Variants in SLC44A5 observed in about 807,000 individuals in gnomAD.
SLC44A5 encodes the protein solute carrier family 44 member 5.
Under a neutral mutation model 101.8 loss-of-function variants are expected in SLC44A5, and 57 were observed. That is an observed-to-expected ratio of 0.56 (90% CI 0.45 to 0.70). The LOEUF (loss-of-function observed/expected upper bound fraction) is 0.70. Among genes scored for constraint, SLC44A5 ranks in the 30% least tolerant of loss-of-function variants. SLC44A5 has a pLI of 0.00. For synonymous variants in SLC44A5, 281 were observed against 290.9 expected (o/e 0.97, Z 0.35); for missense variants, 737 against 853.1 (o/e 0.86, Z 1.70).
chr1:75,385,508 GA>G (rs1486021779), intron 3 of SLC44A5, among the ~76,000 whole-genome samples: 10 of 152,036 alleles, frequency 6.6e-5, no homozygotes, highest in African/African-American at 2.4e-4. Context: ...ACTAAACCAG[GA>G]AGAAGTTGAA....
At chr1:75,383,456 A>G (rs1661050040) in intron 3 of SLC44A5, among the ~76,000 whole-genome samples, 1 of 152,154 alleles carries the variant, frequency 6.6e-6, no homozygotes, top group Non-Finnish European at 1.5e-5. Flanking sequence ...ACCCACCCCT[A>G]CAATGGAAGA....
chr1:75,294,987 T>C (rs113992327), intron 5 of SLC44A5, among the ~76,000 whole-genome samples: 36 of 152,284 alleles, frequency 2.4e-4, no homozygotes, highest in African/African-American at 8.4e-4. Flanking sequence ...TGATGTATTT[T>C]ATTCTTGAAA....
At chr1:75,308,456 G>T (rs1181024512) in intron 4 of SLC44A5, among the ~76,000 whole-genome samples, 1 of 152,086 alleles carries the variant, frequency 6.6e-6, no homozygotes, top group Non-Finnish European at 1.5e-5. Flanking sequence ...TGTTTGAAAG[G>T]GGGCAAGATA....
intron 2 of SLC44A5, among the ~76,000 whole-genome samples, chr1:75,467,198 T>A (rs140164644): frequency 7.2e-5 from 11 of 151,990 alleles, no homozygotes; most frequent in African/African-American, 2.6e-4. Flanking sequence ...AAGAAATAGA[T>A]AAATATTCCA....
intron 1 of SLC44A5, chr1:75,582,476 C>A: frequency 1.7e-6 from 1 of 603,112 alleles, no homozygotes; most frequent in South Asian, 2.3e-5. Context: ...GACCAAGGAT[C>A]AAACCAAGGC....
the SLC44A5 span, among the ~76,000 whole-genome samples, chr1:75,656,534 G>C: frequency 6.6e-6 from 1 of 152,166 alleles, no homozygotes; most frequent in Admixed American, 6.5e-5. Flanking sequence ...TTAAAGTACA[G>C]AGTGTTATAA....
chr1:75,646,323 A>G, the SLC44A5 span, among the ~76,000 whole-genome samples: 5 of 151,460 alleles, frequency 3.3e-5, no homozygotes, highest in East Asian at 7.9e-4. Context: ...AGTGGTTTGT[A>G]GTTCTCCTTG....
At chr1:75,479,471 T>C (rs1306601154) in intron 2 of SLC44A5, among the ~76,000 whole-genome samples, 1 of 152,164 alleles carries the variant, frequency 6.6e-6, no homozygotes, top group Non-Finnish European at 1.5e-5. Flanking sequence ...AGCTGGTTTT[T>C]TGAAAGGATC....
intron 2 of SLC44A5, among the ~76,000 whole-genome samples, chr1:75,404,491 G>A (rs1662717945): frequency 6.6e-6 from 1 of 152,222 alleles, no homozygotes; most frequent in Admixed American, 6.5e-5. Flanking sequence ...CAGACTAACA[G>A]TGGATCTCTC....
rs183575673 is a variant in SLC44A5 at position 75,415,325 on chromosome 1, A to G, written c.14-18704T>C. Among the ~76,000 whole-genome samples the G allele has an allele frequency of 1.4e-4, 22 of 152,242 alleles. No individual in the cohort carries two copies. The East Asian group carries it at 4.3e-3, about 29-fold the overall frequency. ...CTGACGAGATCTGATGGGTTTAAAA[A>G]TGGGAGTTTCTCTGCACAATTTCTC... is the stretch of plus-strand genomic sequence containing the variant. On this transcript the variant is annotated intron_variant, in intron 2 of 23. Transcript: ENST00000370859.
chr1:75,710,794 T>C, the SLC44A5 span, among the ~76,000 whole-genome samples: 2 of 152,212 alleles, frequency 1.3e-5, no homozygotes, highest in South Asian at 4.2e-4. Context: ...GCTAGACTCT[T>C]ATGCTACTCC....
chr1:75,386,114 C>A (rs868164530), intron 3 of SLC44A5, among the ~76,000 whole-genome samples: 48 of 151,604 alleles, frequency 3.2e-4, no homozygotes, highest in East Asian at 5.8e-4. Flanking sequence ...ACTGAATGGG[C>A]AAAAACTGGA....
rs1570243681 is a variant in SLC44A5 at position 75,426,311 on chromosome 1, G to C, written c.14-29690C>G. ...TCTCTCCTAACACAAAATCATTCCA[G>C]GTGTTCTTTTAGGAAGTAGTTAGTT... On this transcript the variant is annotated intron_variant, in intron 2 of 23. Coordinates refer to ENST00000370859, the MANE Select transcript of SLC44A5 (RefSeq NM_001130058.2). Among the ~76,000 whole-genome samples, 6 of 152,258 alleles carry C rather than the reference G, an allele frequency of 3.9e-5. 1 individual carries two copies. Among genetic ancestry groups the C allele is most frequent in the Admixed American group, 3.9e-4 (6 of 15,288 alleles).
chr1:75,227,972 G>A (rs1647259014), intron 12 of SLC44A5, 115 bp from the exon 13 acceptor site: 2 of 761,360 alleles, frequency 2.6e-6, no homozygotes, highest in South Asian at 4.3e-5. Flanking sequence ...TTTCTGCAAA[G>A]GCAAGACACA....
chr1:75,223,996 C>T (rs1221935916), intron 13 of SLC44A5, among the ~76,000 whole-genome samples: 1 of 152,118 alleles, frequency 6.6e-6, no homozygotes, highest in African/African-American at 2.4e-5. Context: ...CTAACTTCTG[C>T]CTTTATAAAA....
chr1:75,542,083 A>C (rs1273617274), intron 1 of SLC44A5, among the ~76,000 whole-genome samples: 1 of 152,166 alleles, frequency 6.6e-6, no homozygotes, highest in South Asian at 2.1e-4. Context: ...GGGAAAAGCT[A>C]TTCAATTTTA....
chr1:75,623,647 G>C, the SLC44A5 span, among the ~76,000 whole-genome samples: 1 of 152,022 alleles, frequency 6.6e-6, no homozygotes, highest in African/African-American at 2.4e-5. Flanking sequence ...TCCTGAATGA[G>C]ATGAACTGAA....
chr1:75,268,644 C>CAT (rs905990497), intron 6 of SLC44A5, among the ~76,000 whole-genome samples: 21 of 152,036 alleles, frequency 1.4e-4, no homozygotes, highest in Non-Finnish European at 2.4e-4. Flanking sequence ...TCCGTTCAGA[C>CAT]TTTTTTCTTG....
At chr1:75,651,597 T>C in the SLC44A5 span, among the ~76,000 whole-genome samples, 1 of 148,508 alleles carries the variant, frequency 6.7e-6, no homozygotes, top group Non-Finnish European at 1.5e-5. Flanking sequence ...CTCGGGAGGC[T>C]GAGGCAGGAG....
Sources: allele counts gnomAD v4.1 joint callset (sites outside exome capture counted in the v4.1 genomes callset), GRCh38; gene constraint gnomAD v4.1.1; transcripts MANE v1.5; gene names NCBI Gene and HGNC (gene_info 2026-07-23, HGNC 2026-07-21).